The following PIAS2 variants were observed in gnomAD, a reference collection of about 807,000 sequenced individuals.
PIAS2 encodes the protein protein inhibitor of activated STAT 2, also known as E3 SUMO-protein ligase PIAS2.
In PIAS2, 19 loss-of-function variants were observed where a neutral mutation model predicts 69.7. The observed-to-expected ratio is 0.27, with a 90% CI of 0.19 to 0.40. PIAS2 has a LOEUF of 0.40. Ranked by LOEUF, PIAS2 falls within the 10% of genes least tolerant of loss-of-function variation. PIAS2 has a pLI of 1.00. For synonymous variants in PIAS2, 261 were observed against 263.2 expected (o/e 0.99, Z 0.08); for missense variants, 624 against 757.0 (o/e 0.82, Z 2.06).
rs750691272 is a variant in PIAS2 at position 46,820,964 on chromosome 18, C to G, written c.1617G>C (p.Thr539=). 6.2e-7 allele frequency: 1 copy of G among 1,612,494 alleles called. No homozygotes were observed. The highest frequency in any genetic ancestry group is 8.5e-7 in the Non-Finnish European group (1 of 1,179,108). ...LTDYSVPFHH[T]PISSMSSDLP... is the part of the protein sequence containing the mutation. ...AATCTGATGACATGCTTGATATTGG[C>G]GTATGGTGGAATGGTACTGAGTAGT... Residue 539 remains threonine (T), a synonymous_variant, in exon 12 of 14, where the codon ACG becomes ACC. Transcript: ENST00000585916.
In PIAS2 at chr18:46,917,375, T is replaced by TGCCGCC; in HGVS notation, c.-36_-31dup. The TGCCGCC allele has an allele frequency of 6.9e-7, 1 of 1,450,024 alleles. No individual in the cohort carries two copies. The highest frequency in any genetic ancestry group is 9.1e-7 in the Non-Finnish European group (1 of 1,094,712). The allele number at this position is 1,450,024 out of a possible 1,614,324, so 89.8% of individuals were successfully genotyped here. A position where few individuals can be genotyped will look rare whatever the true frequency, so the allele number is the denominator to read the frequency against. ...TACCACCCGCGGGCGCCGCCGCCGC[T>TGCCGCC]GCCGCCGCACCCACTCCCGCTGCCG... On this transcript the variant is annotated 5_prime_UTR_variant, in exon 1 of 14. Coordinates refer to ENST00000585916, the MANE Select transcript of PIAS2 (RefSeq NM_004671.5).
At chr18:46,827,073 T>C (rs1409667724) in intron 11 of PIAS2, 2 of 152,160 alleles carry the variant, frequency 1.3e-5, no homozygotes, top group Non-Finnish European at 2.9e-5. Context: ...CTAAAATCAC[T>C]GAATTGTGCC....
rs1317790830 is a variant in PIAS2 at position 46,850,610 on chromosome 18, T to G, written c.727-3769A>C. Among the ~76,000 whole-genome samples, 3 of 152,326 alleles carry G rather than the reference T, an allele frequency of 2.0e-5. No homozygotes were observed. The East Asian group carries it at 5.8e-4, about 29-fold the overall frequency. On this transcript the variant is annotated intron_variant, in intron 5 of 13. Coordinates refer to ENST00000585916, the MANE Select transcript of PIAS2 (RefSeq NM_004671.5). The stretch of plus-strand genomic sequence containing the variant: ...CACAGAAAATGTTGCATACTTCATA[T>G]GGTGCTACATCATAAGGCACAGAAG...
chr18:46,870,285 G>T (rs930256089), intron 2 of PIAS2, among the ~76,000 whole-genome samples: 1 of 150,410 alleles, frequency 6.6e-6, no homozygotes, highest in African/African-American at 2.5e-5. Flanking sequence ...CTTTGTAAAT[G>T]CTCCCCCTTC....
At chr18:46,846,156 C>G (rs2046138737) in intron 6 of PIAS2, among the ~76,000 whole-genome samples, 1 of 152,078 alleles carries the variant, frequency 6.6e-6, no homozygotes. Context: ...TCAAAATTGA[C>G]ATAATTTATT....
upstream of PIAS2, chr18:46,918,036 A>T (rs2146418275): frequency 1.3e-5 from 2 of 152,092 alleles, no homozygotes; most frequent in Admixed American, 1.3e-4. Flanking sequence ...AGGGCACCTG[A>T]AGGTCACGGA....
intron 2 of PIAS2, among the ~76,000 whole-genome samples, chr18:46,864,995 T>G (rs1485993726): frequency 6.6e-6 from 1 of 152,116 alleles, no homozygotes; most frequent in Non-Finnish European, 1.5e-5. Context: ...ATTTTGAATG[T>G]CAAAACTTTT....
chr18:46,818,138 G>C (rs896311569), intron 12 of PIAS2: 13 of 1,090,370 alleles, frequency 1.2e-5, no homozygotes, highest in Admixed American at 1.0e-4. Context: ...TGACTCATTA[G>C]ATTTTTTCTC....
At chr18:46,909,197 A>C (rs558046298) in intron 1 of PIAS2, among the ~76,000 whole-genome samples, 18 of 152,350 alleles carry the variant, frequency 1.2e-4, no homozygotes, top group Non-Finnish European at 2.4e-4. Flanking sequence ...AGTATAGTAA[A>C]AGATGCTCAA....
chr18:46,832,856 C>T (rs2043865513), intron 9 of PIAS2, among the ~76,000 whole-genome samples: 1 of 143,890 alleles, frequency 6.9e-6, no homozygotes. Flanking sequence ...GGTGCCATTG[C>T]ACTCCAGCCT....
chr18:46,815,557 T>A (rs2041424388), intron 12 of PIAS2: 1 of 985,300 alleles, frequency 1.0e-6, no homozygotes. Flanking sequence ...CTGGAAAAAC[T>A]AGCTCCCAGA....
At chr18:46,883,723 T>A (rs117639644) in intron 2 of PIAS2, among the ~76,000 whole-genome samples, 2,326 of 152,238 alleles carry the variant, frequency 0.015, 19 homozygotes, top group Non-Finnish European at 0.024. Flanking sequence ...ATGCCTGTAG[T>A]CACAGCTACT....
intron 2 of PIAS2, among the ~76,000 whole-genome samples, 187 bp downstream of exon 2, chr18:46,890,392 CA>C (rs1445011797): frequency 6.6e-6 from 1 of 152,154 alleles, no homozygotes; most frequent in African/African-American, 2.4e-5. Flanking sequence ...GAAGAAAGAT[CA>C]AATGATATGA....
intron 5 of PIAS2, among the ~76,000 whole-genome samples, chr18:46,847,373 A>C (rs772605204): frequency 1.8e-4 from 27 of 151,184 alleles, no homozygotes; most frequent in Non-Finnish European, 3.5e-4. Flanking sequence ...AACCAGGTTA[A>C]GTTAACAAAT....
chr18:46,827,773 A>C, intron 11 of PIAS2, 186 bp downstream of exon 11: 1 of 503,676 alleles, frequency 2.0e-6, no homozygotes, highest in Non-Finnish European at 3.5e-6. Context: ...AAAGATGTAA[A>C]TATTTTCTCC....
chr18:46,824,674 T>G (rs910201119), intron 11 of PIAS2, among the ~76,000 whole-genome samples: 1 of 152,068 alleles, frequency 6.6e-6, no homozygotes, highest in Admixed American at 6.6e-5. Flanking sequence ...ATAAGAATAA[T>G]TTTTACTAAA....
intron 8 of PIAS2, among the ~76,000 whole-genome samples, chr18:46,840,035 C>T (rs184783140): frequency 1.4e-3 from 218 of 152,096 alleles, no homozygotes; most frequent in Admixed American, 3.0e-3. Flanking sequence ...ATGGCAGGTG[C>T]CTGTAATCCC....
At chr18:46,822,536 T>C (rs2042289065) in intron 11 of PIAS2, among the ~76,000 whole-genome samples, 1 of 152,094 alleles carries the variant, frequency 6.6e-6, no homozygotes, top group East Asian at 1.9e-4. Context: ...CCACAAGCAG[T>C]ATGTGAGCAA....
intron 8 of PIAS2, among the ~76,000 whole-genome samples, chr18:46,840,412 T>A (rs1404210688): frequency 6.6e-6 from 1 of 152,164 alleles, no homozygotes; most frequent in African/African-American, 2.4e-5. Flanking sequence ...CATATTATTA[T>A]AAAAAGTTTT....
Sources: allele counts gnomAD v4.1 joint callset (sites outside exome capture counted in the v4.1 genomes callset), GRCh38; gene constraint gnomAD v4.1.1; transcripts MANE v1.5; gene names NCBI Gene and HGNC (gene_info 2026-07-23, HGNC 2026-07-21).